TRPM3: variants seen among roughly 807,000 people sequenced by gnomAD.
TRPM3 encodes long transient receptor potential channel 3.
Under a neutral mutation model 181.2 loss-of-function variants are expected in TRPM3, and 77 were observed. The observed-to-expected ratio is 0.42, with a 90% CI of 0.35 to 0.51. TRPM3 has a LOEUF of 0.51. Ranked by LOEUF, TRPM3 falls within the 20% of genes least tolerant of loss-of-function variation. The pLI, the probability that TRPM3 is intolerant of heterozygous loss-of-function variation, is 0.01. For synonymous variants in TRPM3, 745 were observed against 796.4 expected, an observed-to-expected ratio of 0.94 and a Z score of 1.09; for missense variants, 1,759 against 2,196.7, an observed-to-expected ratio of 0.80 and a Z score of 3.98.
intron 1 of TRPM3, among the ~76,000 whole-genome samples, chr9:71,058,460 G>A (rs764002904): frequency 5.3e-5 from 8 of 151,998 alleles, no homozygotes; most frequent in East Asian, 3.9e-4. Context: ...GTCTCTTGAC[G>A]GAGACAGTGG....
intron 1 of TRPM3, among the ~76,000 whole-genome samples, chr9:71,087,160 C>T: frequency 6.6e-6 from 1 of 151,974 alleles, no homozygotes; most frequent in East Asian, 1.9e-4. Flanking sequence ...AACTTTTTAA[C>T]CCAATCTTAC....
chr9:70,997,843 G>A (rs2097555757), intron 1 of TRPM3, among the ~76,000 whole-genome samples: 1 of 152,056 alleles, frequency 6.6e-6, no homozygotes, highest in East Asian at 1.9e-4. Context: ...TATCCTTCCT[G>A]ATCTTCTTGT....
chr9:71,352,413 G>A (rs1386651137), intron 1 of TRPM3, among the ~76,000 whole-genome samples: 1 of 152,092 alleles, frequency 6.6e-6, no homozygotes, highest in Non-Finnish European at 1.5e-5. Context: ...GAATAGCACA[G>A]AGATGTCACT....
At chr9:71,049,135 A>T (rs1447985698) in intron 1 of TRPM3, among the ~76,000 whole-genome samples, 3 of 152,062 alleles carry the variant, frequency 2.0e-5, no homozygotes, top group Admixed American at 1.3e-4. Context: ...CTACTCTATC[A>T]TCTTAGGTAC....
intron 1 of TRPM3, among the ~76,000 whole-genome samples, chr9:71,102,106 A>G (rs1195355383): frequency 1.3e-5 from 2 of 152,202 alleles, no homozygotes; most frequent in East Asian, 3.8e-4. Context: ...AGATACATTA[A>G]TTTTTGGCTA....
chr9:71,044,032 T>C (rs1239884344), intron 1 of TRPM3, among the ~76,000 whole-genome samples: 1 of 152,184 alleles, frequency 6.6e-6, no homozygotes, highest in Admixed American at 6.5e-5. Context: ...CATTATCTTT[T>C]TCATGAACTC....
intron 1 of TRPM3, among the ~76,000 whole-genome samples, chr9:71,115,230 G>A (rs1388512131): frequency 7.5e-6 from 1 of 133,638 alleles, no homozygotes; most frequent in East Asian, 2.4e-4. Context: ...TTTCAACGTG[G>A]GGTCCTTCCA....
chr9:71,126,250 G>C (rs1031752388), upstream of TRPM3, among the ~76,000 whole-genome samples: 1 of 152,174 alleles, frequency 6.6e-6, no homozygotes, highest in Admixed American at 6.5e-5. Flanking sequence ...CGAGGCTGTG[G>C]AGAAACAGGA....
intron 1 of TRPM3, among the ~76,000 whole-genome samples, chr9:70,956,296 C>CTTTTTTTTTT (rs537484746): frequency 2.0e-4 from 19 of 97,148 alleles, no homozygotes; most frequent in East Asian, 3.1e-4. Flanking sequence ...AGAAATACAC[C>CTTTTTTTTTT]TTTTTTTTTT....
intron 8 of TRPM3, among the ~76,000 whole-genome samples, chr9:70,752,432 G>A (rs1564127957): frequency 6.6e-6 from 1 of 152,232 alleles, no homozygotes; most frequent in Middle Eastern, 3.4e-3. Flanking sequence ...AATGTTGAAG[G>A]TGAAACTAGA....
At chr9:71,349,036 T>C (rs911392689) in intron 1 of TRPM3, among the ~76,000 whole-genome samples, 1 of 152,174 alleles carries the variant, frequency 6.6e-6, no homozygotes, top group South Asian at 2.1e-4. Context: ...AATTCCCCCT[T>C]CCTGGGCTTC....
chr9:70,979,139 G>A (rs754846900), intron 1 of TRPM3, among the ~76,000 whole-genome samples: 11 of 152,114 alleles, frequency 7.2e-5, no homozygotes, highest in South Asian at 2.1e-4. Context: ...CAAAGTCCCC[G>A]TTGGGCTAAA....
chr9:71,392,282 G>GT (rs1433152087), intron 1 of TRPM3, among the ~76,000 whole-genome samples: 1 of 152,064 alleles, frequency 6.6e-6, no homozygotes, highest in Non-Finnish European at 1.5e-5. Flanking sequence ...AGAGAGAAAA[G>GT]TAAGAGCCCA....
At chr9:71,286,054 G>A (rs2085255240) in intron 1 of TRPM3, among the ~76,000 whole-genome samples, 1 of 152,080 alleles carries the variant, frequency 6.6e-6, no homozygotes, top group Non-Finnish European at 1.5e-5. Flanking sequence ...ATTCATTTCT[G>A]AAAACCTATA....
intron 1 of TRPM3, among the ~76,000 whole-genome samples, chr9:71,025,180 A>G (rs1209839388): frequency 1.3e-5 from 2 of 152,240 alleles, no homozygotes; most frequent in Admixed American, 1.3e-4. Flanking sequence ...AATAGAAGCT[A>G]TAATAATCAC....
chr9:71,331,857 A>G, intron 1 of TRPM3, among the ~76,000 whole-genome samples: 1 of 39,074 alleles, frequency 2.6e-5, no homozygotes, highest in Non-Finnish European at 4.4e-5. Flanking sequence ...GAAGAAGAGG[A>G]GACGGAGGAG....
chr9:71,037,575 T>A (rs1000268145), intron 1 of TRPM3, among the ~76,000 whole-genome samples: 2 of 152,250 alleles, frequency 1.3e-5, no homozygotes, highest in African/African-American at 4.8e-5. Context: ...GCACAGCTCC[T>A]CCAAAATTGA....
At chr9:71,338,394 T>C (rs2090721674) in intron 1 of TRPM3, among the ~76,000 whole-genome samples, 1 of 152,156 alleles carries the variant, frequency 6.6e-6, no homozygotes, top group Non-Finnish European at 1.5e-5. Context: ...TGATGTGTCA[T>C]ACGTAGTATG....
intron 9 of TRPM3, among the ~76,000 whole-genome samples, chr9:70,679,550 A>G (rs1344959386): frequency 6.6e-6 from 1 of 152,160 alleles, no homozygotes; most frequent in Non-Finnish European, 1.5e-5. Context: ...ATTTCTTATC[A>G]GTGGGAAAGG....
Sources: allele counts gnomAD v4.1 joint callset (sites outside exome capture counted in the v4.1 genomes callset), GRCh38; gene constraint gnomAD v4.1.1; transcripts MANE v1.5; gene names NCBI Gene and HGNC (gene_info 2026-07-23, HGNC 2026-07-21).